AMZ1: variants seen among roughly 807,000 people sequenced by gnomAD.
AMZ1 encodes archaemetzincin-1.
Under a neutral mutation model 29.9 loss-of-function variants are expected in AMZ1, and 39 were observed. The observed-to-expected ratio is 1.30, with a 90% CI of 1.01 to 1.70. The LOEUF (loss-of-function observed/expected upper bound fraction) is 1.70, where lower values mean the gene tolerates loss of function less well. Among genes scored for constraint, AMZ1 ranks in the 40% most tolerant of loss-of-function variants. The pLI, the probability that AMZ1 is intolerant of heterozygous loss-of-function variation, is 0.00. For synonymous variants in AMZ1, 458 were observed against 304.0 expected (o/e 1.51, Z -5.27); for missense variants, 1,041 against 680.6 (o/e 1.53, Z -5.89).
chr7:2,747,804 C>A (rs1433154961), intron 4 of AMZ1, among the ~76,000 whole-genome samples: 1 of 152,198 alleles, frequency 6.6e-6, no homozygotes, highest in South Asian at 2.1e-4. Context: ...TCTCCTTAAG[C>A]TGATAAGCAA....
rs143529313 is a variant in AMZ1 at position 2,708,590 on chromosome 7, G to T, written c.475G>T (p.Gly159Cys). 1.5e-5 allele frequency: 24 copies of T among 1,612,180 alleles called. No homozygotes were observed. The highest frequency in any genetic ancestry group is 1.9e-5 in the Non-Finnish European group (23 of 1,179,886). ...DSDRLQLHTDGILSFLKNNKP... is the reference protein window; with the variant it reads ...DSDRLQLHTDCILSFLKNNKP... Reference sequence around the variant, plus strand: ...ATCCTCTGGCCCTCTCCCCGCAGACGGCATCCTGTCCTTCTTGAAGAACAA... The same window carrying T: ...ATCCTCTGGCCCTCTCCCCGCAGACTGCATCCTGTCCTTCTTGAAGAACAA... The change falls in exon 4 of 7, where the codon GGC (glycine) becomes TGC (cysteine). Residue 159 changes from glycine to cysteine, a missense_variant and splice_region_variant. Coordinates refer to ENST00000683327, the MANE Select transcript of AMZ1 (RefSeq NM_001384743.1).
intron 4 of AMZ1, among the ~76,000 whole-genome samples, chr7:2,735,511 A>C (rs1790124295): frequency 6.6e-6 from 1 of 152,206 alleles, no homozygotes; most frequent in Admixed American, 6.5e-5. Context: ...CACAGAGGGC[A>C]CAATCAGGAC....
At chr7:2,738,864 G>A (rs919188056) in intron 4 of AMZ1, among the ~76,000 whole-genome samples, 11 of 152,208 alleles carry the variant, frequency 7.2e-5, no homozygotes, top group African/African-American at 2.7e-4. Flanking sequence ...GCCAGAATGT[G>A]AAAGTACAGA....
chr7:2,712,970 G>T lies in AMZ1; in HGVS notation c.*92G>T. ...CCACTACTGACCTGCCAGGGATAAA[G>T]AGGAAGGGTCTGCCTGGGTGGTGGC... On this transcript the variant is annotated 3_prime_UTR_variant, in exon 7 of 7. Transcript: ENST00000683327. 1 of 1,354,792 alleles carries T rather than the reference G, an allele frequency of 7.4e-7. No individual in the cohort carries two copies. Among genetic ancestry groups the T allele is most frequent in the Non-Finnish European group, 9.6e-7 (1 of 1,038,166 alleles). The allele number at this position is 1,354,792 out of a possible 1,614,324, so 83.9% of individuals were successfully genotyped here.
Position 2,752,234 on chromosome 7 carries a change from T to A in AMZ1, n.551-12478T>A, listed in dbSNP as rs77770758. Among the ~76,000 whole-genome samples, 1,405 of 152,182 alleles carry A rather than the reference T, an allele frequency of 9.2e-3. 17 individuals are homozygous for A. Among genetic ancestry groups the A allele is most frequent in the African/African-American group, 0.032 (1,328 of 41,512 alleles). ...AAAGCATGTGAAAAAATTCAACACA[T>A]GCTCAGGGCTTAAAAAAAAAGTCCT... On this transcript the variant is annotated intron_variant and non_coding_transcript_variant, in intron 4 of 4. Transcript: ENST00000489665.
chr7:2,727,177 G>GT (rs1158443379), intron 4 of AMZ1, among the ~76,000 whole-genome samples: 1 of 152,124 alleles, frequency 6.6e-6, no homozygotes, highest in African/African-American at 2.4e-5. Context: ...TGCCTACCGG[G>GT]TTCAAGCGAT....
chr7:2,742,010 A>G (rs1790530544), intron 4 of AMZ1, among the ~76,000 whole-genome samples: 1 of 151,768 alleles, frequency 6.6e-6, no homozygotes, highest in Non-Finnish European at 1.5e-5. Context: ...AATCTGAAAC[A>G]CTTGAATTTT....
At chr7:2,707,001 G>A (rs1377843007) in intron 3 of AMZ1, among the ~76,000 whole-genome samples, 2 of 152,146 alleles carry the variant, frequency 1.3e-5, no homozygotes, top group Non-Finnish European at 2.9e-5. Flanking sequence ...AGGGCCAGCT[G>A]TGGTGGGTCA....
upstream of AMZ1, among the ~76,000 whole-genome samples, chr7:2,761,313 G>A (rs948534777): frequency 1.3e-5 from 2 of 152,226 alleles, no homozygotes; most frequent in Non-Finnish European, 2.9e-5. Context: ...CATGCTCACA[G>A]AGCCGTCTGC....
intron 4 of AMZ1, among the ~76,000 whole-genome samples, chr7:2,752,376 G>T (rs1791083550): frequency 6.6e-6 from 1 of 152,100 alleles, no homozygotes; most frequent in Non-Finnish European, 1.5e-5. Flanking sequence ...CCTAACACTG[G>T]GTGTAAGGCA....
At chr7:2,737,270 T>G (rs1236606580) in intron 4 of AMZ1, among the ~76,000 whole-genome samples, 5 of 47,728 alleles carry the variant, frequency 1.0e-4, no homozygotes, top group Admixed American at 2.6e-4. Flanking sequence ...CACAGTTTTG[T>G]TTTGTTTTTT....
At position 2,709,204 on chromosome 7, in the gene AMZ1, C is replaced by T. The variant is rs1013476923; in HGVS notation, c.731C>T (p.Ala244Val). ...GCCCCCCTGCAGGACAGGGGCTGGG[C>T]CCTGTGCTTCAGTGCCCTGGGGATG... Reference protein sequence around the residue: ...PEAPLQDRGWALCFSALGMVQ... With the variant: ...PEAPLQDRGWVLCFSALGMVQ... The change falls in exon 5 of 7, where the codon GCC becomes GTC. Residue 244 changes from alanine (A) to valine (V), a missense_variant. Transcript: ENST00000683327. 6.6e-7 allele frequency: 1 copy of T among 1,516,456 alleles called. No individual in the cohort carries two copies. The highest frequency in any genetic ancestry group is 2.3e-5 in the Admixed American group (1 of 44,218). 93.9% of individuals were successfully genotyped at this position (1,516,456 alleles called of 1,614,324 possible). A position where few individuals can be genotyped will look rare whatever the true frequency, so the allele number is the denominator to read the frequency against.
chr7:2,696,523 C>T (rs1182126846), intron 1 of AMZ1, among the ~76,000 whole-genome samples: 2 of 150,472 alleles, frequency 1.3e-5, no homozygotes, highest in East Asian at 2.1e-4. Context: ...TCCCAAAGTG[C>T]TGTGATTACA....
intron 3 of AMZ1, among the ~76,000 whole-genome samples, chr7:2,707,285 AAAAC>A (rs1216745688): frequency 1.3e-5 from 2 of 151,548 alleles, no homozygotes; most frequent in African/African-American, 4.8e-5. Context: ...TCAAAAAAAA[AAAAC>A]AAAAAAACAC....
chr7:2,760,169 C>T (rs146284758), upstream of AMZ1, among the ~76,000 whole-genome samples: 273 of 152,338 alleles, frequency 1.8e-3, 1 homozygote, highest in African/African-American at 6.2e-3. Flanking sequence ...TCCCATCGCC[C>T]GCCTCTGCCT....
Position 2,718,295 on chromosome 7 carries a change from T to C in AMZ1, c.*5417T>C, listed in dbSNP as rs956637465. On this transcript the variant is annotated 3_prime_UTR_variant, in exon 7 of 7. Coordinates refer to ENST00000683327, the MANE Select transcript of AMZ1 (RefSeq NM_001384743.1). ...TGTCCATTTTCTCTCTCAGGCAGGG[T>C]GCTCTGCCCGCCACAGTGTGCCTGG... Among the ~76,000 whole-genome samples, 2 of 152,150 alleles carry C rather than the reference T, an allele frequency of 1.3e-5. No individual in the cohort carries two copies. The highest frequency in any genetic ancestry group is 4.8e-5 in the African/African-American group (2 of 41,446).
chr7:2,682,751 C>G (rs1476702323), intron 1 of AMZ1, among the ~76,000 whole-genome samples: 1 of 152,002 alleles, frequency 6.6e-6, no homozygotes. Flanking sequence ...CTCAGCAACC[C>G]CCCTCCCCAG....
intron 4 of AMZ1, among the ~76,000 whole-genome samples, chr7:2,737,117 T>C (rs1790222022): frequency 6.6e-6 from 1 of 152,018 alleles, no homozygotes; most frequent in Admixed American, 6.5e-5. Context: ...AAGGTAACCG[T>C]GGATTGGTCT....
chr7:2,681,508 G>A (rs1208391763), intron 1 of AMZ1, among the ~76,000 whole-genome samples: 2 of 152,068 alleles, frequency 1.3e-5, no homozygotes, highest in African/African-American at 4.8e-5. Context: ...AGATCCATCC[G>A]CCTTGCCCTC....
Sources: gnomAD v4.1 joint callset for allele counts (sites outside exome capture counted in the v4.1 genomes callset) on GRCh38, gnomAD v4.1.1 for gene constraint, MANE v1.5 for transcripts, NCBI Gene and HGNC (gene_info 2026-07-23, HGNC 2026-07-21) for gene names.